The following NELL2 variants were observed in gnomAD, a reference collection of about 807,000 sequenced individuals.
The protein encoded by NELL2 is neural EGFL like 2.
Under a neutral mutation model 109.6 loss-of-function variants are expected in NELL2, and 41 were observed. The ratio of observed to expected loss-of-function variants is 0.37; its 90% confidence interval spans 0.29 to 0.49. The LOEUF (loss-of-function observed/expected upper bound fraction) is 0.49. Among genes scored for constraint, NELL2 ranks in the 20% least tolerant of loss-of-function variants. NELL2 has a pLI of 0.98. For missense variants in NELL2, 900 were observed against 1,008.3 expected, an observed-to-expected ratio of 0.89 and a Z score of 1.45; for synonymous variants, 355 against 344.7, an observed-to-expected ratio of 1.03 and a Z score of -0.33.
At chr12:44,724,222 T>C (rs1163201220) in intron 9 of NELL2, among the ~76,000 whole-genome samples, 2 of 150,184 alleles carry the variant, frequency 1.3e-5, no homozygotes, top group East Asian at 1.9e-4. Context: ...TTAAGAACAA[T>C]AGTCACTGGG....
At chr12:44,875,404 A>T in intron 1 of NELL2, 51 bp from the exon 2 acceptor site, 2 of 1,613,942 alleles carry the variant, frequency 1.2e-6, no homozygotes, top group Non-Finnish European at 1.7e-6. Flanking sequence ...CTCCATCAAA[A>T]TGCAAGTCTC....
chr12:44,520,119 A>C lies in NELL2; in HGVS notation c.2286T>G (p.Ala762=). Residue 762 remains alanine, a synonymous_variant, in exon 19 of 20, where the codon GCT becomes GCG. Coordinates refer to ENST00000429094, the MANE Select transcript of NELL2 (RefSeq NM_001145108.2). ...TGGTGATGTCATTGCGGATGGTGTC[A>C]GCCTGGCAAGGGTCTGTGACACAGC... ...CPRCVTDPCQ[A]DTIRNDITKT... 6.2e-7 allele frequency: 1 copy of C among 1,614,194 alleles called. No individual in the cohort carries two copies. The highest frequency in any genetic ancestry group is 8.5e-7 in the Non-Finnish European group (1 of 1,180,032).
intron 9 of NELL2, among the ~76,000 whole-genome samples, chr12:44,715,592 A>G (rs1566225458): frequency 6.6e-6 from 1 of 152,008 alleles, no homozygotes; most frequent in African/African-American, 2.4e-5. Flanking sequence ...GGCTCCTTGT[A>G]AGATGCTGAA....
chr12:44,884,544 C>T (rs932074021), intron 1 of NELL2, among the ~76,000 whole-genome samples: 5 of 151,918 alleles, frequency 3.3e-5, no homozygotes, highest in Admixed American at 6.6e-5. Context: ...CCCAACTTTT[C>T]GTATGACATT....
At chr12:44,907,406 C>CA (rs1945731823) in intron 1 of NELL2, among the ~76,000 whole-genome samples, 1 of 151,812 alleles carries the variant, frequency 6.6e-6, no homozygotes, top group Non-Finnish European at 1.5e-5. Flanking sequence ...GGTGCAAAAC[C>CA]AAAAAACAGT....
chr12:44,642,939 C>T (rs1946915692), intron 13 of NELL2, among the ~76,000 whole-genome samples: 1 of 151,818 alleles, frequency 6.6e-6, no homozygotes, highest in Admixed American at 6.6e-5. Context: ...GTGTTCTTAC[C>T]ACAATAAAGA....
At chr12:44,699,942 T>C (rs1003248935) in intron 12 of NELL2, among the ~76,000 whole-genome samples, 8 of 152,164 alleles carry the variant, frequency 5.3e-5, no homozygotes, top group Non-Finnish European at 1.2e-4. Flanking sequence ...TCTCCTCAAC[T>C]AACATTTAGA....
intron 12 of NELL2, among the ~76,000 whole-genome samples, chr12:44,681,039 A>G (rs1948479255): frequency 6.6e-6 from 1 of 151,304 alleles, no homozygotes; most frequent in Admixed American, 6.6e-5. Flanking sequence ...AATCCATTTT[A>G]TTTATTTTTA....
chr12:44,705,293 C>T (rs1937808692), intron 11 of NELL2, among the ~76,000 whole-genome samples: 1 of 151,698 alleles, frequency 6.6e-6, no homozygotes, highest in Non-Finnish European at 1.5e-5. Context: ...TGTAATAATA[C>T]CATTAAAAAA....
intron 13 of NELL2, among the ~76,000 whole-genome samples, chr12:44,655,663 A>G (rs989509849): frequency 2.0e-5 from 3 of 152,138 alleles, no homozygotes; most frequent in Admixed American, 6.5e-5. Context: ...ACCAGAGTAC[A>G]TGCTTTTCTA....
At chr12:44,569,594 C>A (rs1407286561) in intron 15 of NELL2, among the ~76,000 whole-genome samples, 1 of 152,086 alleles carries the variant, frequency 6.6e-6, no homozygotes, top group Non-Finnish European at 1.5e-5. Context: ...CTGTTTTAGA[C>A]CTCTTTAAAG....
At chr12:44,532,336 C>T (rs1247549300) in intron 16 of NELL2, among the ~76,000 whole-genome samples, 1 of 152,080 alleles carries the variant, frequency 6.6e-6, no homozygotes, top group Admixed American at 6.6e-5. Context: ...TCTAAAAACA[C>T]CATTTAACAG....
chr12:44,521,297 G>A (rs1305273626), intron 18 of NELL2, among the ~76,000 whole-genome samples: 6 of 152,074 alleles, frequency 3.9e-5, no homozygotes, highest in Non-Finnish European at 7.4e-5. Flanking sequence ...TTGGGAGGCC[G>A]AGGCGGGCGG....
intron 3 of NELL2, among the ~76,000 whole-genome samples, chr12:44,795,573 G>C (rs1942589993): frequency 6.6e-6 from 1 of 152,128 alleles, no homozygotes; most frequent in Non-Finnish European, 1.5e-5. Flanking sequence ...AGATTCTTAA[G>C]GCTGATTCTG....
chr12:44,795,342 C>A (rs764984870), intron 3 of NELL2, among the ~76,000 whole-genome samples: 8 of 152,118 alleles, frequency 5.3e-5, no homozygotes, highest in Non-Finnish European at 1.0e-4. Context: ...GTTACATGCA[C>A]AGGCTTTGGA....
At chr12:44,517,321 A>G (rs1941314573) in intron 19 of NELL2, among the ~76,000 whole-genome samples, 1 of 151,502 alleles carries the variant, frequency 6.6e-6, no homozygotes, top group African/African-American at 2.4e-5. Flanking sequence ...GTAGTTTTTG[A>G]TAGATAAAGG....
At chr12:44,857,935 T>C (rs1944729992) in intron 2 of NELL2, among the ~76,000 whole-genome samples, 1 of 152,148 alleles carries the variant, frequency 6.6e-6, no homozygotes, top group African/African-American at 2.4e-5. Flanking sequence ...CCAGATGACC[T>C]TCACCTGTCC....
At position 44,703,771 on chromosome 12, in the gene NELL2, G is replaced by T; in HGVS notation, c.1273C>A (p.Arg425=). 1.2e-6 allele frequency: 2 copies of T among 1,613,178 alleles called. No individual in the cohort carries two copies. The highest frequency in any genetic ancestry group is 8.5e-7 in the Non-Finnish European group (1 of 1,179,594). ...NLNDRAVCSC[R]DGFRALREDN... ...TCTCGAAGAGCCCTAAAACCATCTC[G>T]ACAGCTACAAACAGCCCTGTCATTC... Residue 425 remains arginine (R), a synonymous_variant, in exon 12 of 20, where the codon CGA becomes AGA. Transcript: ENST00000429094.
chr12:44,811,283 G>A (rs1341445105), intron 3 of NELL2, among the ~76,000 whole-genome samples: 1 of 129,680 alleles, frequency 7.7e-6, no homozygotes, highest in Non-Finnish European at 1.6e-5. Context: ...CATGGCACAT[G>A]TATACCTATG....
Sources: gnomAD v4.1 joint callset for allele counts (sites outside exome capture counted in the v4.1 genomes callset) on GRCh38, gnomAD v4.1.1 for gene constraint, MANE v1.5 for transcripts, NCBI Gene and HGNC (gene_info 2026-07-23, HGNC 2026-07-21) for gene names.